The following NAT10 variants were observed in gnomAD, a reference collection of about 807,000 sequenced individuals.
The protein encoded by NAT10 is RNA cytidine acetyltransferase.
In NAT10, 109 loss-of-function variants were observed where a neutral mutation model predicts 132.2. The ratio of observed to expected loss-of-function variants is 0.82; its 90% CI spans 0.71 to 0.97. NAT10 has a LOEUF of 0.97. Ranked by LOEUF, NAT10 falls within the 50% of genes least tolerant of loss-of-function variation. The probability of loss-of-function intolerance (pLI) is 0.00; values close to 1 mark genes in which losing one functional copy is unlikely to be tolerated. For synonymous variants in NAT10, 479 were observed against 478.0 expected (o/e 1.00, Z -0.03); for missense variants, 1,184 against 1,263.4 (o/e 0.94, Z 0.95).
chr11:34,127,179 A>G (rs556673543), intron 11 of NAT10, among the ~76,000 whole-genome samples: 9 of 152,296 alleles, frequency 5.9e-5, no homozygotes, highest in African/African-American at 1.9e-4. Context: ...CAGCCATAAG[A>G]TAGGTATTTC....
At chr11:34,115,995 C>A in intron 6 of NAT10, 111 bp downstream of exon 6, 1 of 940,508 alleles carries the variant, frequency 1.1e-6, no homozygotes, top group Non-Finnish European at 1.6e-6. Context: ...GTACAATATT[C>A]CAAAAATGAT....
At chr11:34,123,040 C>G (rs1190053408) in intron 9 of NAT10, among the ~76,000 whole-genome samples, 1 of 152,166 alleles carries the variant, frequency 6.6e-6, no homozygotes, top group Non-Finnish European at 1.5e-5. Flanking sequence ...TTTTTTTCTA[C>G]TGGGTTTGGA....
rs752618959 is a variant in NAT10 at position 34,112,015 on chromosome 11, A to G, written c.201-37A>G. ...TTCCAGCTCTTTAGCTGCTCTGGTT[A>G]ACTGGCTCTCATGGGATTGGGGGTG... On this transcript the variant is annotated intron_variant, in intron 3 of 28. Coordinates refer to ENST00000257829, the MANE Select transcript of NAT10 (RefSeq NM_024662.3). 1.1e-5 allele frequency: 18 copies of G among 1,610,896 alleles called. No individual in the cohort carries two copies. The South Asian group carries it at 1.9e-4, about 17-fold the overall frequency.
intron 3 of NAT10, among the ~76,000 whole-genome samples, chr11:34,109,847 T>C (rs1173769348): frequency 6.6e-6 from 1 of 152,238 alleles, no homozygotes; most frequent in East Asian, 1.9e-4. Context: ...AGACCAGCTT[T>C]CTGTTTTCTG....
Position 34,137,707 on chromosome 11 carries a change from G to T in NAT10, c.2211+681G>T, listed in dbSNP as rs191845164. On this transcript the variant is annotated intron_variant, in intron 21 of 28. Transcript: ENST00000257829. The stretch of plus-strand genomic sequence containing the variant: ...TGAATGAAAAATATCTGGAGCCAAT[G>T]AAAGGATGTGAGAGTGACTCCTTGG... Among the ~76,000 whole-genome samples, 12 of 152,360 alleles carry T rather than the reference G, an allele frequency of 7.9e-5. No individual in the cohort carries two copies. In the Middle Eastern group the frequency reaches 0.01, roughly 130 times the overall value.
At position 34,142,098 on chromosome 11, in the gene NAT10, A is replaced by C. The variant is rs1590193770; in HGVS notation, c.2812-177A>C. 2.2e-5 allele frequency: 14 copies of C among 648,390 alleles called. No individual in the cohort carries two copies. The East Asian group carries it at 3.8e-4, about 18-fold the overall frequency. 40.2% of individuals were successfully genotyped at this position (648,390 alleles called of 1,614,324 possible). On this transcript the variant is annotated intron_variant, in intron 26 of 28. Coordinates refer to ENST00000257829, the MANE Select transcript of NAT10 (RefSeq NM_024662.3). ...TTTTTTGGTGACTTCTTAAATGCAT[A>C]GTTTATAACAGAGCTACCTTAAAAT...
At position 34,118,556 on chromosome 11, in the gene NAT10, G is replaced by T. The variant is rs1006402071; in HGVS notation, c.780+53G>T. 6 of 1,469,648 alleles carry T rather than the reference G, an allele frequency of 4.1e-6. No individual in the cohort carries two copies. The Admixed American group carries it at 7.9e-5, about 19-fold the overall frequency. The allele number at this position is 1,469,648 out of a possible 1,614,324, so 91.0% of individuals were successfully genotyped here. Reference sequence around the variant, plus strand: ...ACAAAGGTAGTAAAACATAGCATACGGAGCGTAACAGAAGCCAAGGTACGT... The same window carrying T: ...ACAAAGGTAGTAAAACATAGCATACTGAGCGTAACAGAAGCCAAGGTACGT... On this transcript the variant is annotated intron_variant, in intron 8 of 28. Transcript: ENST00000257829.
At chr11:34,141,432 A>T (rs1171525940) in intron 25 of NAT10, among the ~76,000 whole-genome samples, 1 of 151,690 alleles carries the variant, frequency 6.6e-6, no homozygotes, top group Non-Finnish European at 1.5e-5. Context: ...ACACACACAC[A>T]CACACACACA....
intron 6 of NAT10, among the ~76,000 whole-genome samples, chr11:34,117,304 G>C (rs556377659): frequency 6.6e-6 from 1 of 152,322 alleles, no homozygotes; most frequent in African/African-American, 2.4e-5. Context: ...CTCATCTGGA[G>C]CCATTTGGCC....
At chr11:34,128,420 T>A (rs890987592) in intron 12 of NAT10, among the ~76,000 whole-genome samples, 4 of 152,116 alleles carry the variant, frequency 2.6e-5, no homozygotes, top group African/African-American at 9.7e-5. Context: ...ATAGATTTTG[T>A]TAGAATTTTG....
rs757169208 is a variant in NAT10, at chr11:34,127,398, C to T, written c.1108-65C>T. On this transcript the variant is annotated intron_variant, in intron 11 of 28. Coordinates refer to ENST00000257829, the MANE Select transcript of NAT10 (RefSeq NM_024662.3). ...AAAGAGAACATCCTTTATGATGAGT[C>T]GCCAGTAATCACAGCTGTGACATGA... is the stretch of plus-strand genomic sequence containing the variant. The T allele has an allele frequency of 4.8e-5, 69 of 1,442,018 alleles. No homozygotes were observed. The Admixed American group carries it at 5.7e-4, about 12-fold the overall frequency. The allele number at this position is 1,442,018 out of a possible 1,614,324, so 89.3% of individuals were successfully genotyped here. A position where few individuals can be genotyped will look rare whatever the true frequency, so the allele number is the denominator to read the frequency against.
chr11:34,134,885 A>T (rs1341993767), intron 18 of NAT10, among the ~76,000 whole-genome samples: 3 of 152,242 alleles, frequency 2.0e-5, no homozygotes, highest in Non-Finnish European at 4.4e-5. Flanking sequence ...AATGGTACAG[A>T]AACTGCCTCT....
rs186341170 is a variant in NAT10, at chr11:34,115,097, G to A, written c.496-726G>A. Reference sequence around the variant, plus strand: ...CTTGAACTCAGGAGGCGGAGGTTGCGGTGAGCTGAGGTCACGCCACTGCAC... The same window carrying A: ...CTTGAACTCAGGAGGCGGAGGTTGCAGTGAGCTGAGGTCACGCCACTGCAC... On this transcript the variant is annotated intron_variant, in intron 5 of 28. Transcript: ENST00000257829. Among the ~76,000 whole-genome samples, 554 of 152,244 alleles carry A rather than the reference G, an allele frequency of 3.6e-3. 5 individuals carry two copies. The highest frequency in any genetic ancestry group is 0.012 in the African/African-American group (507 of 41,540).
chr11:34,139,166 C>T lies in NAT10; in HGVS notation c.2212-25C>T, dbSNP rs367918837. 1.0e-4 allele frequency: 164 copies of T among 1,598,156 alleles called. 1 individual carries two copies. In the South Asian group the frequency reaches 1.6e-3, roughly 16 times the overall value. On this transcript the variant is annotated intron_variant, in intron 21 of 28. Transcript: ENST00000257829. ...ATTCAAAAAAAGGGGGTTCTTGGTG[C>T]CAGTTAAACCTCTGTGTTGCCCAGA...
chr11:34,131,567 G>A, intron 14 of NAT10, 36 bp downstream of exon 14: 1 of 1,568,548 alleles, frequency 6.4e-7, no homozygotes, highest in Non-Finnish European at 8.7e-7. Flanking sequence ...CCTGTGAAAA[G>A]GAGAGGGGCG....
chr11:34,112,930 T>C (rs188930811), intron 4 of NAT10, among the ~76,000 whole-genome samples: 81 of 152,374 alleles, frequency 5.3e-4, no homozygotes, highest in Non-Finnish European at 7.1e-4. Context: ...TTTTTGTGTG[T>C]TTATCATATA....
intron 3 of NAT10, among the ~76,000 whole-genome samples, chr11:34,109,866 C>A (rs560306974): frequency 1.3e-5 from 2 of 152,308 alleles, no homozygotes; most frequent in African/African-American, 4.8e-5. Context: ...TGTTGTCCCC[C>A]TAGCAGAAAC....
At chr11:34,112,001 T>C (rs1851702627) in intron 3 of NAT10, 51 bp from the exon 4 acceptor site, 2 of 1,603,998 alleles carry the variant, frequency 1.2e-6, no homozygotes, top group Middle Eastern at 3.3e-4. Flanking sequence ...TCCAGCTCTT[T>C]AGCTGCTCTG....
chr11:34,144,617 G>C (rs929426144), intron 28 of NAT10, among the ~76,000 whole-genome samples: 7 of 152,192 alleles, frequency 4.6e-5, no homozygotes, highest in Admixed American at 2.0e-4. Flanking sequence ...ACACCTGAAA[G>C]GGTCTTAGGG....
Sources: allele counts gnomAD v4.1 joint callset (sites outside exome capture counted in the v4.1 genomes callset), GRCh38; gene constraint gnomAD v4.1.1; transcripts MANE v1.5; gene names NCBI Gene and HGNC (gene_info 2026-07-23, HGNC 2026-07-21).